The following DACH2 variants were observed in gnomAD, a reference collection of about 807,000 sequenced individuals.
DACH2 encodes the protein dachshund family transcription factor 2, also known as dachshund homolog 2.
DACH2 carries 17 observed loss-of-function variants against 35.8 expected under a neutral mutation model. The observed-to-expected ratio is 0.48, with a 90% CI of 0.33 to 0.71. DACH2 has a LOEUF of 0.71. Among genes scored for constraint, DACH2 ranks in the 30% least tolerant of loss-of-function variants. The probability of loss-of-function intolerance (pLI) is 0.02; values close to 1 mark genes in which losing one functional copy is unlikely to be tolerated. For missense variants in DACH2, 469 were observed against 472.7 expected (o/e 0.99, Z 0.07); for synonymous variants, 195 against 177.3 (o/e 1.10, Z -0.79).
At chrX:86,815,951 G>A in intron 10 of DACH2, 83 bp from the exon 11 acceptor site, 2 of 792,187 alleles carry the variant, frequency 2.5e-6, no homozygotes, top group Non-Finnish European at 3.6e-6. Flanking sequence ...TAGGACCAAA[G>A]TACTGGCTTA....
chrX:86,605,984 A>G (rs1439282712), intron 3 of DACH2, among the ~76,000 whole-genome samples: 2 of 111,219 alleles, frequency 1.8e-5, no homozygotes. Context: ...TAGAATCTAT[A>G]GTATATTAAC....
At chrX:86,218,575 G>T (rs149517823) in intron 1 of DACH2, among the ~76,000 whole-genome samples, 1,309 of 111,656 alleles carry the variant, frequency 0.012, 7 homozygotes, top group Non-Finnish European at 0.019. Flanking sequence ...AAAGTGTAAT[G>T]GTTGTTGTAA....
At chrX:86,160,972 G>A in intron 1 of DACH2, 1 of 856,861 alleles carries the variant, frequency 1.2e-6, no homozygotes, top group South Asian at 2.0e-5. Flanking sequence ...GCCTCAAGCA[G>A]CGTGGTTCCA....
At chrX:86,255,083 T>G (rs889796308) in intron 1 of DACH2, among the ~76,000 whole-genome samples, 23 of 109,512 alleles carry the variant, frequency 2.1e-4, no homozygotes, top group African/African-American at 7.6e-4. Context: ...TCCTAGCATG[T>G]TATAAATCGA....
At chrX:86,283,867 T>TACAC (rs2034085909) in intron 1 of DACH2, among the ~76,000 whole-genome samples, 1 of 63,907 alleles carries the variant, frequency 1.6e-5, no homozygotes, top group Admixed American at 1.9e-4. Flanking sequence ...GAACTTAAAG[T>TACAC]ATATACACAC....
At chrX:86,188,705 A>T (rs897729214) in intron 1 of DACH2, among the ~76,000 whole-genome samples, 5 of 112,032 alleles carry the variant, frequency 4.5e-5, no homozygotes, top group African/African-American at 9.7e-5. Context: ...GAGTGATGCA[A>T]GGAAGGGGCC....
chrX:86,743,795 T>A (rs762032860), intron 7 of DACH2, among the ~76,000 whole-genome samples: 120 of 111,381 alleles, frequency 1.1e-3, no homozygotes, highest in African/African-American at 2.4e-3. Context: ...AGAATAGTTG[T>A]CAGAAAGAAA....
chrX:86,631,955 TA>T (rs2040206156), intron 3 of DACH2, among the ~76,000 whole-genome samples: 3 of 111,077 alleles, frequency 2.7e-5, no homozygotes, highest in African/African-American at 9.8e-5. Context: ...CATGAATGAT[TA>T]AAAAAACAAT....
chrX:86,734,467 A>C (rs1008528656), intron 6 of DACH2, among the ~76,000 whole-genome samples: 1 of 111,273 alleles, frequency 9.0e-6, no homozygotes, highest in African/African-American at 3.3e-5. Flanking sequence ...TTCATAGACT[A>C]ATGAAACACA....
At chrX:86,506,191 G>T (rs2038320904) in intron 2 of DACH2, among the ~76,000 whole-genome samples, 1 of 111,035 alleles carries the variant, frequency 9.0e-6, no homozygotes, top group South Asian at 3.8e-4. Context: ...AGGCTCTGTG[G>T]GGAATAACTG....
chrX:86,457,879 C>T (rs1462874371), intron 2 of DACH2, among the ~76,000 whole-genome samples: 2 of 111,602 alleles, frequency 1.8e-5, no homozygotes, highest in South Asian at 7.4e-4. Context: ...CTTAGTCTGG[C>T]AAGGGAATGT....
intron 3 of DACH2, among the ~76,000 whole-genome samples, chrX:86,520,322 C>T (rs1161247852): frequency 9.0e-6 from 1 of 111,221 alleles, no homozygotes; most frequent in Non-Finnish European, 1.9e-5. Flanking sequence ...GTTTTATGTC[C>T]AATTATGTGG....
At chrX:86,410,823 A>G (rs1257263212) in intron 2 of DACH2, among the ~76,000 whole-genome samples, 1 of 106,961 alleles carries the variant, frequency 9.3e-6, no homozygotes, top group African/African-American at 3.4e-5. Flanking sequence ...ATGTCCAAAT[A>G]TGCTCAATTT....
intron 3 of DACH2, among the ~76,000 whole-genome samples, chrX:86,590,316 T>C (rs2039627464): frequency 8.9e-6 from 1 of 112,148 alleles, no homozygotes; most frequent in African/African-American, 3.2e-5. Context: ...TCTCTTCTAG[T>C]ACCTTTATGG....
intron 1 of DACH2, among the ~76,000 whole-genome samples, chrX:86,176,608 A>C (rs1354759469): frequency 1.8e-5 from 2 of 111,589 alleles, no homozygotes; most frequent in Non-Finnish European, 3.8e-5. Context: ...AAATTTAAAA[A>C]TTAAAGTTGT....
chrX:86,214,545 A>G (rs2032524909), intron 1 of DACH2, among the ~76,000 whole-genome samples: 1 of 111,933 alleles, frequency 8.9e-6, no homozygotes. Context: ...TGACACTTAA[A>G]TATTGATAGA....
intron 4 of DACH2, among the ~76,000 whole-genome samples, chrX:86,652,413 C>T (rs761191438): frequency 1.8e-4 from 20 of 112,168 alleles, no homozygotes; most frequent in South Asian, 1.5e-3. Context: ...AACATATGTG[C>T]GTGTGTGTCT....
At chrX:86,636,079 T>C (rs2040262080) in intron 3 of DACH2, among the ~76,000 whole-genome samples, 1 of 111,374 alleles carries the variant, frequency 9.0e-6, no homozygotes, top group African/African-American at 3.3e-5. Flanking sequence ...CAAAGCAATT[T>C]TAAGTAAAAG....
chrX:86,399,027 T>A (rs1346182892), intron 2 of DACH2, among the ~76,000 whole-genome samples: 4 of 111,613 alleles, frequency 3.6e-5, no homozygotes, highest in Non-Finnish European at 5.6e-5. Flanking sequence ...TCTAAGTCTC[T>A]TTGTAGGTCA....
Sources: gnomAD v4.1 joint callset for allele counts (sites outside exome capture counted in the v4.1 genomes callset) on GRCh38, gnomAD v4.1.1 for gene constraint, MANE v1.5 for transcripts, NCBI Gene and HGNC (gene_info 2026-07-23, HGNC 2026-07-21) for gene names.